CNTNAP2: variants seen among roughly 807,000 people sequenced by gnomAD.
CNTNAP2 encodes the protein contactin associated protein 2.
Under a neutral mutation model 155.2 loss-of-function variants are expected in CNTNAP2, and 98 were observed. The observed-to-expected ratio is 0.63, with a 90% CI of 0.54 to 0.75. The LOEUF (loss-of-function observed/expected upper bound fraction) is 0.75. CNTNAP2 is among the 30% of genes least tolerant of loss of function. The pLI is 0.00. For missense variants in CNTNAP2, 1,727 were observed against 1,688.1 expected, an observed-to-expected ratio of 1.02 and a Z score of -0.40; for synonymous variants, 651 against 631.2, an observed-to-expected ratio of 1.03 and a Z score of -0.47.
At chr7:148,269,271 A>T (rs1181779809) in intron 21 of CNTNAP2, among the ~76,000 whole-genome samples, 3 of 152,222 alleles carry the variant, frequency 2.0e-5, no homozygotes, top group Admixed American at 2.0e-4. Context: ...TATGAAAGAT[A>T]ATTAAATAGC....
At chr7:147,642,051 C>T (rs868399247) in intron 13 of CNTNAP2, among the ~76,000 whole-genome samples, 3 of 150,830 alleles carry the variant, frequency 2.0e-5, no homozygotes, top group Admixed American at 6.7e-5. Flanking sequence ...ATTCTGTTTC[C>T]AGTGCCAGGA....
chr7:147,251,208 G>A (rs1176124405), intron 8 of CNTNAP2, among the ~76,000 whole-genome samples: 1 of 152,056 alleles, frequency 6.6e-6, no homozygotes. Context: ...TGTCTTAGCA[G>A]ACACCATCTT....
chr7:147,289,712 C>T (rs10085456), intron 8 of CNTNAP2, among the ~76,000 whole-genome samples: 72,353 of 151,916 alleles, frequency 0.48, 17,867 homozygotes, highest in East Asian at 0.71. Flanking sequence ...AAAAAGCTAC[C>T]AAAATTTTTT....
chr7:146,752,045 T>A (rs1801914058), intron 1 of CNTNAP2, among the ~76,000 whole-genome samples: 1 of 152,280 alleles, frequency 6.6e-6, no homozygotes. Context: ...TTTCTGTTGG[T>A]TCCAGGTCTT....
intron 4 of CNTNAP2, among the ~76,000 whole-genome samples, chr7:147,084,048 CTA>C (rs1800213873): frequency 8.4e-6 from 1 of 119,138 alleles, no homozygotes; most frequent in African/African-American, 3.1e-5. Context: ...ATGCATAATG[CTA>C]TATATGTATA....
intron 1 of CNTNAP2, among the ~76,000 whole-genome samples, chr7:146,331,032 C>T (rs1448290699): frequency 6.6e-6 from 1 of 152,082 alleles, no homozygotes; most frequent in African/African-American, 2.4e-5. Context: ...TGGCCGGGCG[C>T]GGTGGCTCAC....
intron 11 of CNTNAP2, among the ~76,000 whole-genome samples, chr7:147,535,699 C>G (rs147821584): frequency 6.6e-6 from 1 of 152,114 alleles, no homozygotes; most frequent in Non-Finnish European, 1.5e-5. Flanking sequence ...GTAGGACTTT[C>G]TCCCCACTCA....
intron 1 of CNTNAP2, among the ~76,000 whole-genome samples, chr7:146,158,801 C>G (rs1489200908): frequency 6.6e-6 from 1 of 152,254 alleles, no homozygotes; most frequent in Non-Finnish European, 1.5e-5. Context: ...AGAATGGAAC[C>G]AAGTTGGAAA....
At chr7:147,498,884 G>A (rs1798760674) in intron 11 of CNTNAP2, among the ~76,000 whole-genome samples, 1 of 152,018 alleles carries the variant, frequency 6.6e-6, no homozygotes, top group African/African-American at 2.4e-5. Flanking sequence ...TACCACATGT[G>A]GTTATTATCC....
chr7:146,640,961 C>T (rs1026460370), intron 1 of CNTNAP2, among the ~76,000 whole-genome samples: 2 of 152,100 alleles, frequency 1.3e-5, no homozygotes, highest in African/African-American at 4.8e-5. Flanking sequence ...GGAGAAAATG[C>T]CTAAAATGTG....
At chr7:147,213,096 AC>A (rs1803192522) in intron 8 of CNTNAP2, among the ~76,000 whole-genome samples, 1 of 152,170 alleles carries the variant, frequency 6.6e-6, no homozygotes, top group Non-Finnish European at 1.5e-5. Context: ...AATAATGGAT[AC>A]TGATAAGTCC....
intron 3 of CNTNAP2, among the ~76,000 whole-genome samples, chr7:146,898,508 TAAAA>T (rs202048889): frequency 2.1e-5 from 3 of 145,026 alleles, no homozygotes; most frequent in Non-Finnish European, 3.1e-5. Flanking sequence ...ATAATAATAA[TAAAA>T]AAAAAAACTC....
intron 3 of CNTNAP2, among the ~76,000 whole-genome samples, chr7:146,891,924 TCTA>T (rs1392598813): frequency 6.6e-6 from 1 of 152,206 alleles, no homozygotes; most frequent in African/African-American, 2.4e-5. Context: ...TCATACACAT[TCTA>T]CTACTCATTG....
chr7:147,288,892 C>T (rs1156241722), intron 8 of CNTNAP2, among the ~76,000 whole-genome samples: 6 of 152,128 alleles, frequency 3.9e-5, no homozygotes, highest in African/African-American at 1.4e-4. Flanking sequence ...TTTTCTAAAA[C>T]CTCCAAAGTG....
chr7:148,316,349 TA>T (rs59955297), intron 21 of CNTNAP2, among the ~76,000 whole-genome samples: 4 of 149,148 alleles, frequency 2.7e-5, no homozygotes, highest in Admixed American at 6.7e-5. Context: ...AAAAATATAT[TA>T]AAAAAAAAAG....
intron 1 of CNTNAP2, among the ~76,000 whole-genome samples, chr7:146,651,386 T>C (rs1799909256): frequency 6.6e-6 from 1 of 152,150 alleles, no homozygotes; most frequent in African/African-American, 2.4e-5. Context: ...TTGTTAGTAA[T>C]TAGGACAACC....
intron 9 of CNTNAP2, among the ~76,000 whole-genome samples, chr7:147,302,485 G>T (rs1352372544): frequency 1.3e-5 from 2 of 152,116 alleles, no homozygotes; most frequent in Non-Finnish European, 2.9e-5. Context: ...CTGCCTTTAG[G>T]ATATACTGTC....
intron 1 of CNTNAP2, among the ~76,000 whole-genome samples, chr7:146,408,087 A>T (rs549384967): frequency 6.6e-6 from 1 of 152,124 alleles, no homozygotes; most frequent in Non-Finnish European, 1.5e-5. Flanking sequence ...TCAGATTTTC[A>T]ACTGTATGGG....
intron 15 of CNTNAP2, among the ~76,000 whole-genome samples, chr7:148,063,639 T>C (rs1803201158): frequency 6.6e-6 from 1 of 151,710 alleles, no homozygotes; most frequent in African/African-American, 2.4e-5. Flanking sequence ...TTTAGTTACA[T>C]GGAAAACTTC....
Sources: gnomAD v4.1 joint callset for allele counts (sites outside exome capture counted in the v4.1 genomes callset) on GRCh38, gnomAD v4.1.1 for gene constraint, MANE v1.5 for transcripts, NCBI Gene and HGNC (gene_info 2026-07-23, HGNC 2026-07-21) for gene names.